BCL9L: variants seen among roughly 807,000 people sequenced by gnomAD.
BCL9L encodes the protein B-cell CLL/lymphoma 9-like protein.
BCL9L carries 19 observed loss-of-function variants against 99.4 expected under a neutral mutation model. That is an observed-to-expected ratio of 0.19 (90% CI 0.13 to 0.28). BCL9L has a LOEUF of 0.28. Ranked by LOEUF, BCL9L falls within the 10% of genes least tolerant of loss-of-function variation. The probability of loss-of-function intolerance (pLI) is 1.00; values close to 1 mark genes in which losing one functional copy is unlikely to be tolerated. For synonymous variants in BCL9L, 900 were observed against 854.8 expected (o/e 1.05, Z -0.92); for missense variants, 2,023 against 2,101.6 (o/e 0.96, Z 0.73).
intron 2 of BCL9L, chr11:118,910,885 A>G (rs1940761750): frequency 3.1e-5 from 2 of 65,088 alleles, no homozygotes; most frequent in Non-Finnish European, 5.6e-5. Flanking sequence ...ACACGTGGAC[A>G]GGGAGACAAG....
In BCL9L at chr11:118,906,963, G is replaced by A. The variant is rs574379054; in HGVS notation, c.532+520C>T. On this transcript the variant is annotated intron_variant, in intron 5 of 9. Transcript: ENST00000683865. ...ACTCATGGAAGGACAAGATATAGGC[G>A]AATCCATAAAAGAATCAGAGGAGGA... 5.9e-5 allele frequency among the ~76,000 whole-genome samples: 9 copies of A among 152,324 alleles called. No individual in the cohort carries two copies. In the South Asian group the frequency reaches 6.2e-4, roughly 11 times the overall value.
chr11:118,912,264 A>T (rs1163326157), intron 2 of BCL9L, among the ~76,000 whole-genome samples: 3 of 152,200 alleles, frequency 2.0e-5, no homozygotes, highest in African/African-American at 7.2e-5. Flanking sequence ...GCTTGCTAGT[A>T]CCAGGCCAGG....
At chr11:118,917,839 C>G (rs1481776000) in intron 2 of BCL9L, among the ~76,000 whole-genome samples, 2 of 152,060 alleles carry the variant, frequency 1.3e-5, no homozygotes, top group Admixed American at 1.3e-4. Context: ...GAGGAGGGCA[C>G]AAGGCTAGTC....
intron 2 of BCL9L, among the ~76,000 whole-genome samples, chr11:118,915,323 C>G (rs1349101101): frequency 6.6e-6 from 1 of 152,212 alleles, no homozygotes; most frequent in African/African-American, 2.4e-5. Context: ...CCTTGACAAA[C>G]CACTTCTGGC....
chr11:118,918,483 C>T (rs368318173), intron 2 of BCL9L, among the ~76,000 whole-genome samples: 3 of 151,858 alleles, frequency 2.0e-5, no homozygotes, highest in African/African-American at 7.3e-5. Flanking sequence ...TGGGCGGAAT[C>T]TCCTTGCCTC....
Position 118,900,624 on chromosome 11 carries a change from T to A in BCL9L, c.3119A>T (p.Glu1040Val). 1 of 1,605,868 alleles carries A rather than the reference T, an allele frequency of 6.2e-7. No individual in the cohort carries two copies. Among genetic ancestry groups the A allele is most frequent in the Non-Finnish European group, 8.5e-7 (1 of 1,175,264 alleles). Residue 1040 changes from glutamate (E) to valine (V), a missense_variant, in exon 8 of 10, where the codon GAA becomes GTA. Physicochemically the swap from Glu to Val is moderately radical, Grantham distance 121. Transcript: ENST00000683865. This position sits in a 1 kb window ranked among gnomAD's most constrained non-coding sequence, Gnocchi z 5.3. Reference protein sequence around the residue: ...MNSSTTLSNMEQGTLPPSGPR... With the variant: ...MNSSTTLSNMVQGTLPPSGPR... Reference sequence around the variant, plus strand: ...TGCCTGCGCAATTGACTCACCCTGTTCCATGTTGCTCAGGGTGGTGGAAGA... The same window carrying A: ...TGCCTGCGCAATTGACTCACCCTGTACCATGTTGCTCAGGGTGGTGGAAGA...
At position 118,903,731 on chromosome 11, in the gene BCL9L, T is replaced by C. The variant is rs1182579850; in HGVS notation, c.533-279A>G. Among the ~76,000 whole-genome samples the C allele has an allele frequency of 2.0e-5, 3 of 152,190 alleles. No homozygotes were observed. Among genetic ancestry groups the C allele is most frequent in the Non-Finnish European group, 4.4e-5 (3 of 68,022 alleles). ...GTGATTTCATCTCATCAACACACCC[T>C]GGGAGGAACGTGTCACACACTCCAC... On this transcript the variant is annotated intron_variant, in intron 5 of 9. Transcript: ENST00000683865. The surrounding 1 kb of genome is among the most constrained non-coding windows in gnomAD (Gnocchi z 5.6).
intron 9 of BCL9L, 137 bp downstream of exon 9, chr11:118,899,780 G>T: frequency 7.8e-7 from 1 of 1,288,828 alleles, no homozygotes; most frequent in Non-Finnish European, 1.0e-6. Context: ...CAGCGAGTGG[G>T]AACAGCATCC....
intron 3 of BCL9L, 109 bp downstream of exon 3, chr11:118,909,805 C>T (rs1793899546): frequency 1.3e-6 from 2 of 1,563,750 alleles, no homozygotes; most frequent in Admixed American, 3.4e-5. Flanking sequence ...AGCCAGGTGC[C>T]CAGGGCGGCT....
In BCL9L at chr11:118,900,902, CGAGGTGACCAGGGGT is replaced by C; in HGVS notation, c.2826_2840del (p.Leu944_Pro948del). 1 of 1,591,842 alleles carries C rather than the reference CGAGGTGACCAGGGGT, an allele frequency of 6.3e-7. No individual in the cohort carries two copies. Among genetic ancestry groups the C allele is most frequent in the Non-Finnish European group, 8.6e-7 (1 of 1,166,614 alleles). On this transcript the variant is annotated inframe_deletion, in exon 8 of 10. Transcript: ENST00000683865. This position sits in a 1 kb window ranked among gnomAD's most constrained non-coding sequence, Gnocchi z 5.3. ...GGGGTGACTTGAGGTTGGCAGAGGGCGAGGTGACCAGGGGTGAGTGCACCTGGCTAAGGGTGGGCG... is the reference window on the plus strand; with the variant it reads ...GGGGTGACTTGAGGTTGGCAGAGGGCGAGTGCACCTGGCTAAGGGTGGGCG...
At position 118,907,698 on chromosome 11, in the gene BCL9L, C is replaced by T. The variant is rs543208890; in HGVS notation, c.413-96G>A. 1.8e-5 allele frequency: 28 copies of T among 1,542,088 alleles called. No homozygotes were observed. In the South Asian group the frequency reaches 3.3e-4, roughly 18 times the overall value. On this transcript the variant is annotated intron_variant, in intron 4 of 9. Transcript: ENST00000683865. ...CCCAGATCCATTCTCTAAGATGCCC[C>T]ACCCTAGAGGGCACTGCCCAGGCCA... is the stretch of plus-strand genomic sequence containing the variant.
At chr11:118,916,104 T>C (rs1374313882) in intron 2 of BCL9L, among the ~76,000 whole-genome samples, 1 of 152,196 alleles carries the variant, frequency 6.6e-6, no homozygotes, top group African/African-American at 2.4e-5. Context: ...ACAGGAGGCA[T>C]GGCCAGTCCA....
At chr11:118,918,601 G>C (rs1941046182) in intron 2 of BCL9L, among the ~76,000 whole-genome samples, 1 of 151,876 alleles carries the variant, frequency 6.6e-6, no homozygotes, top group African/African-American at 2.4e-5. Flanking sequence ...CTCCCCACCT[G>C]ACTGGGTCTA....
At chr11:118,906,637 A>C (rs898877643) in intron 5 of BCL9L, among the ~76,000 whole-genome samples, 1 of 152,128 alleles carries the variant, frequency 6.6e-6, no homozygotes, top group African/African-American at 2.4e-5. Context: ...ACAATTTAAT[A>C]GTCTCTGGCT....
In BCL9L at chr11:118,902,444, C is replaced by T. The variant is rs780913017; in HGVS notation, c.1299G>A (p.Gly433=). 5 of 1,597,396 alleles carry T rather than the reference C, an allele frequency of 3.1e-6. No homozygotes were observed. Among genetic ancestry groups the T allele is most frequent in the Non-Finnish European group, 4.3e-6 (5 of 1,172,326 alleles). The part of the protein sequence containing the change: ...RSGETEPFLK[G]PPGGAGEGGP... Reference sequence around the variant, plus strand: ...CCCCCTCACCCGCTCCTCCTGGGGGCCCCTTGAGGAAGGGCTCAGTCTCTC... The same window carrying T: ...CCCCCTCACCCGCTCCTCCTGGGGGTCCCTTGAGGAAGGGCTCAGTCTCTC... The change falls in exon 8 of 10, where the codon GGG becomes GGA. Residue 433 remains glycine (G), a synonymous_variant. Transcript: ENST00000683865. This position sits in a 1 kb window ranked among gnomAD's most constrained non-coding sequence, Gnocchi z 7.8.
chr11:118,910,085 G>T, intron 2 of BCL9L, 70 bp from the exon 3 acceptor site: 1 of 1,128,786 alleles, frequency 8.9e-7, no homozygotes, highest in Non-Finnish European at 1.3e-6. Context: ...AGGGGAGAAG[G>T]GAGGACCCAA....
chr11:118,900,786 C>G lies in BCL9L; in HGVS notation c.2957G>C (p.Arg986Pro). 1 of 1,613,888 alleles carries G rather than the reference C, an allele frequency of 6.2e-7. No individual in the cohort carries two copies. The highest frequency in any genetic ancestry group is 8.5e-7 in the Non-Finnish European group (1 of 1,179,932). ...CCTGCTGGGCGAGCCAGTGGGTGAA[C>G]GGACACTGAGGGAGGAGCCGAGGAC... is the stretch of plus-strand genomic sequence containing the variant. ...PQVLGSSLSV[R>P]SPTGSPSRLK... Residue 986 changes from arginine to proline, a missense_variant, in exon 8 of 10, where the codon CGT (arginine) becomes CCT (proline). Transcript: ENST00000683865. The surrounding 1 kb of genome is among the most constrained non-coding windows in gnomAD (Gnocchi z 5.3).
rs755700494 is a variant in BCL9L at position 118,902,140 on chromosome 11, C to G, written c.1603G>C (p.Glu535Gln). 2 of 1,614,148 alleles carry G rather than the reference C, an allele frequency of 1.2e-6. No homozygotes were observed. The highest frequency in any genetic ancestry group is 8.5e-7 in the Non-Finnish European group (1 of 1,180,018). ...EEYYEEKRRK[E>Q]EQIGLHGSRP... ...CTCCCATGCAGCCCAATCTGTTCCT[C>G]TTTCCGCCGTTTCTCTTCGTAGTAC... Residue 535 changes from glutamate to glutamine, a missense_variant, in exon 8 of 10, where the codon GAG becomes CAG. By Grantham distance (29) the Glu-to-Gln change is conservative. This residue lies in a region of BCL9L where 1,116 missense variants were observed against 1,194.6 expected (regional missense o/e 0.93). Transcript: ENST00000683865. The surrounding 1 kb of genome is among the most constrained non-coding windows in gnomAD (Gnocchi z 7.8).
In BCL9L at chr11:118,908,627, G is replaced by A. The variant is rs1281808826; in HGVS notation, c.55C>T (p.Pro19Ser). The A allele has an allele frequency of 4.3e-6, 7 of 1,612,184 alleles. No homozygotes were observed. Among genetic ancestry groups the A allele is most frequent in the Non-Finnish European group, 5.9e-6 (7 of 1,179,494 alleles). Residue 19 changes from proline (P) to serine (S), a missense_variant, in exon 4 of 10, where the codon CCA (proline) becomes TCA (serine). Pro to Ser is a moderately conservative substitution (Grantham distance 74, BLOSUM62 -1). This residue lies in a region of BCL9L where 1,116 missense variants were observed against 1,194.6 expected (regional missense o/e 0.93). Transcript: ENST00000683865. ...RLPHPRRREA[P>S]GSPPLSPRGH... ...CGGGGGGACAGCGGCGGGCTCCCTG[G>A]AGCTTCTCTCCTCCTGGGGTGGGGT...
Sources: gnomAD v4.1 joint callset for allele counts (sites outside exome capture counted in the v4.1 genomes callset) on GRCh38, gnomAD v4.1.1 for gene constraint, gnomAD v4.1.1 regional missense constraint, Gnocchi (gnomAD v3.1) non-coding constraint, MANE v1.5 for transcripts, NCBI Gene and HGNC (gene_info 2026-07-23, HGNC 2026-07-21) for gene names.